The following PLEKHA5 variants were observed in gnomAD, a reference collection of about 807,000 sequenced individuals.
PLEKHA5 encodes the protein pleckstrin homology domain-containing family A member 5.
In PLEKHA5, 55 loss-of-function variants were observed where a neutral mutation model predicts 181.9. The ratio of observed to expected loss-of-function variants is 0.30; its 90% CI spans 0.24 to 0.38. PLEKHA5 has a LOEUF of 0.38. PLEKHA5 is among the 10% of genes least tolerant of loss of function. The pLI is 1.00. For missense variants in PLEKHA5, 1,432 were observed against 1,549.5 expected (o/e 0.92, Z 1.27); for synonymous variants, 535 against 529.4 (o/e 1.01, Z -0.15).
chr12:19,346,956 T>C (rs1036973138), intron 23 of PLEKHA5, 38 bp from the exon 24 acceptor site: 32 of 1,336,376 alleles, frequency 2.4e-5, no homozygotes, highest in Non-Finnish European at 3.0e-5. Flanking sequence ...TAATTCAATC[T>C]GCTTATCTAA....
At chr12:19,211,042 G>T (rs988010403) in intron 3 of PLEKHA5, among the ~76,000 whole-genome samples, 1 of 152,024 alleles carries the variant, frequency 6.6e-6, no homozygotes, top group Non-Finnish European at 1.5e-5. Context: ...AGGAGGTATT[G>T]TCTAGGGTTT....
At chr12:19,335,629 T>C (rs1001598180) in intron 20 of PLEKHA5, among the ~76,000 whole-genome samples, 3 of 147,324 alleles carry the variant, frequency 2.0e-5, no homozygotes, top group African/African-American at 5.1e-5. Context: ...CAGGGTTTGG[T>C]TACGTTGGTC....
At chr12:19,272,968 A>G (rs1466612643) in intron 10 of PLEKHA5, among the ~76,000 whole-genome samples, 1 of 152,140 alleles carries the variant, frequency 6.6e-6, no homozygotes, top group Non-Finnish European at 1.5e-5. Context: ...GTGCAGTGGC[A>G]CGATCTCAGC....
At chr12:19,159,200 T>C (rs1305723624) in intron 3 of PLEKHA5, among the ~76,000 whole-genome samples, 2 of 152,298 alleles carry the variant, frequency 1.3e-5, no homozygotes, top group East Asian at 3.9e-4. Context: ...AGCCTCCCTC[T>C]GTTTATTTCC....
intron 20 of PLEKHA5, among the ~76,000 whole-genome samples, chr12:19,330,367 A>G (rs2092721353): frequency 1.3e-5 from 2 of 152,168 alleles, no homozygotes; most frequent in African/African-American, 2.4e-5. Flanking sequence ...GCCTCACTTT[A>G]TACAGTTTGA....
intron 3 of PLEKHA5, among the ~76,000 whole-genome samples, chr12:19,211,873 G>A (rs935237129): frequency 6.6e-6 from 1 of 151,934 alleles, no homozygotes; most frequent in East Asian, 1.9e-4. Flanking sequence ...AAAGCAGGAG[G>A]TACTGCCTTA....
intron 3 of PLEKHA5, among the ~76,000 whole-genome samples, chr12:19,231,608 A>ATT (rs2060614198): frequency 5.0e-5 from 1 of 20,084 alleles, no homozygotes. Context: ...ACATATATAT[A>ATT]TATAAATACT....
rs146694323 is a variant in PLEKHA5 at position 19,298,804 on chromosome 12, C to T, written c.2037+7107C>T. The stretch of plus-strand genomic sequence containing the variant: ...TGTCACAAGCATTTATTGAATACAT[C>T]TTCCTTCAGAAGGAACTCACTGGGC... On this transcript the variant is annotated intron_variant, in intron 15 of 31. Coordinates refer to ENST00000429027, the MANE Select transcript of PLEKHA5 (RefSeq NM_001256470.2). 1.4e-3 allele frequency among the ~76,000 whole-genome samples: 220 copies of T among 152,306 alleles called. 1 individual carries two copies. The highest frequency in any genetic ancestry group is 4.9e-3 in the African/African-American group (204 of 41,580).
chr12:19,309,676 T>C (rs1592434014), intron 15 of PLEKHA5, among the ~76,000 whole-genome samples: 1 of 151,140 alleles, frequency 6.6e-6, no homozygotes, highest in Non-Finnish European at 1.5e-5. Flanking sequence ...ACCCGGGAGG[T>C]GGAGGTTGCA....
At chr12:19,132,328 A>G in intron 2 of PLEKHA5, 65 bp from the exon 3 acceptor site, 1 of 828,924 alleles carries the variant, frequency 1.2e-6, no homozygotes. Flanking sequence ...GGATAATTAA[A>G]ATGGATTGAG....
At chr12:19,161,483 G>T (rs757412380) in intron 3 of PLEKHA5, among the ~76,000 whole-genome samples, 1 of 152,048 alleles carries the variant, frequency 6.6e-6, no homozygotes, top group African/African-American at 2.4e-5. Context: ...TTATTAAAAC[G>T]CACAATCAGC....
chr12:19,195,343 C>A (rs1428275810), intron 3 of PLEKHA5, among the ~76,000 whole-genome samples: 1 of 150,902 alleles, frequency 6.6e-6, no homozygotes, highest in African/African-American at 2.4e-5. Flanking sequence ...ATAACTAATA[C>A]ATGCTTATCA....
intron 16 of PLEKHA5, among the ~76,000 whole-genome samples, chr12:19,317,692 A>AAAGTTT (rs1181668979): frequency 1.1e-4 from 17 of 151,244 alleles, no homozygotes; most frequent in South Asian, 4.2e-4. Context: ...ACTTTGTTTT[A>AAAGTTT]ATGCCAAGAC....
chr12:19,325,794 C>T (rs929638265), intron 20 of PLEKHA5, among the ~76,000 whole-genome samples: 8 of 151,782 alleles, frequency 5.3e-5, no homozygotes, highest in African/African-American at 9.7e-5. Context: ...AGATCACCTG[C>T]GGCCAGGAGT....
At chr12:19,282,255 G>C (rs1430856999) in intron 11 of PLEKHA5, among the ~76,000 whole-genome samples, 1 of 152,078 alleles carries the variant, frequency 6.6e-6, no homozygotes, top group African/African-American at 2.4e-5. Flanking sequence ...ATTGCTTTAA[G>C]AAGCCTCCTG....
intron 3 of PLEKHA5, among the ~76,000 whole-genome samples, chr12:19,253,213 T>C (rs2065887160): frequency 6.6e-6 from 1 of 151,162 alleles, no homozygotes; most frequent in South Asian, 2.1e-4. Context: ...TAGCTGGGAT[T>C]ACAGGCACAC....
intron 8 of PLEKHA5, among the ~76,000 whole-genome samples, chr12:19,268,682 C>T (rs767599773): frequency 1.1e-4 from 16 of 152,064 alleles, no homozygotes; most frequent in Non-Finnish European, 1.9e-4. Flanking sequence ...TGACTGATGG[C>T]GAGCATGGTG....
At position 19,348,413 on chromosome 12, in the gene PLEKHA5, A is replaced by G. The variant is rs2094441079; in HGVS notation, c.2913A>G (p.Arg971=). Residue 971 remains arginine, a synonymous_variant, in exon 25 of 32, where the codon AGA becomes AGG. Coordinates refer to ENST00000429027, the MANE Select transcript of PLEKHA5 (RefSeq NM_001256470.2). ...TTCCTTTCAAGGGTCCAGATTATAG[A>G]CTCTACAAGAGTGAACCAGAGTTAA... The part of the protein sequence containing the change: ...RNGSHCGPDY[R]LYKSEPELTT... 1 of 1,580,136 alleles carries G rather than the reference A, an allele frequency of 6.3e-7. No individual in the cohort carries two copies. Among genetic ancestry groups the G allele is most frequent in the South Asian group, 1.2e-5 (1 of 84,752 alleles).
rs1592686970 is a variant in PLEKHA5 at position 19,376,157 on chromosome 12, A to G, written c.*638A>G. 6.6e-6 allele frequency: 1 copy of G among 152,510 alleles called. No individual in the cohort carries two copies. The highest frequency in any genetic ancestry group is 1.9e-4 in the East Asian group (1 of 5,180). The allele number at this position is 152,510 out of a possible 1,614,324, so 9.4% of individuals were successfully genotyped here. A position where few individuals can be genotyped will look rare whatever the true frequency, so the allele number is the denominator to read the frequency against. On this transcript the variant is annotated 3_prime_UTR_variant, in exon 32 of 32. Coordinates refer to ENST00000429027, the MANE Select transcript of PLEKHA5 (RefSeq NM_001256470.2). ...ACTGCTTATCTTTTCTTAAAAAAAA[A>G]AAAAACAAAGTGTAGGTATTTTGAA...
Sources: allele counts gnomAD v4.1 joint callset (sites outside exome capture counted in the v4.1 genomes callset), GRCh38; gene constraint gnomAD v4.1.1; transcripts MANE v1.5; gene names NCBI Gene and HGNC (gene_info 2026-07-23, HGNC 2026-07-21).